The following NAF1 variants were observed in gnomAD, a reference collection of about 807,000 sequenced individuals.
The protein encoded by NAF1 is nuclear assembly factor 1 ribonucleoprotein.
A neutral mutation model predicts 40.6 loss-of-function variants in NAF1; 11 were observed. The ratio of observed to expected loss-of-function variants is 0.27; its 90% CI spans 0.17 to 0.45. The LOEUF is 0.45. Ranked by LOEUF, NAF1 falls within the 20% of genes least tolerant of loss-of-function variation. The pLI, the probability that NAF1 is intolerant of heterozygous loss-of-function variation, is 1.00. For synonymous variants in NAF1, 260 were observed against 228.5 expected, an observed-to-expected ratio of 1.14 and a Z score of -1.24; for missense variants, 607 against 611.1, an observed-to-expected ratio of 0.99 and a Z score of 0.07.
At chr4:163,151,787 T>C (rs751288583) in intron 2 of NAF1, among the ~76,000 whole-genome samples, 2 of 152,062 alleles carry the variant, frequency 1.3e-5, no homozygotes, top group African/African-American at 2.4e-5. Context: ...TCAGTATTGA[T>C]TGAGATCACA....
chr4:163,120,183 G>A (rs1247686282), intron 2 of NAF1, among the ~76,000 whole-genome samples: 1 of 152,136 alleles, frequency 6.6e-6, no homozygotes, highest in East Asian at 1.9e-4. Flanking sequence ...TATGTCATGG[G>A]AGCACACAAT....
chr4:163,129,299 A>C lies in NAF1; in HGVS notation c.1083T>G (p.Ala361=), dbSNP rs1199543378. 4 of 1,613,626 alleles carry C rather than the reference A, an allele frequency of 2.5e-6. No homozygotes were observed. Among genetic ancestry groups the C allele is most frequent in the Non-Finnish European group, 3.4e-6 (4 of 1,179,512 alleles). ...VHQNWNAHSS[A]SEHAKGYRNR... ...TACGATATCCTTTTGCATGCTCTGAAGCAGAGCTATGAGCATTCCAATTCT... is the reference window on the plus strand; with the variant it reads ...TACGATATCCTTTTGCATGCTCTGACGCAGAGCTATGAGCATTCCAATTCT... Residue 361 remains alanine (A), a synonymous_variant, in exon 8 of 8, where the codon GCT becomes GCG. Transcript: ENST00000274054.
At chr4:163,139,887 A>T (rs1403177162) in intron 5 of NAF1, among the ~76,000 whole-genome samples, 2 of 152,138 alleles carry the variant, frequency 1.3e-5, no homozygotes, top group Non-Finnish European at 2.9e-5. Context: ...ACTGAAAAAA[A>T]AGTTATTAAG....
At chr4:163,162,883 G>A (rs145716117) in intron 2 of NAF1, among the ~76,000 whole-genome samples, 1 of 152,122 alleles carries the variant, frequency 6.6e-6, no homozygotes, top group Non-Finnish European at 1.5e-5. Context: ...ACTCCTTGTG[G>A]CCACAAATCC....
chr4:163,151,974 T>C (rs936447699), intron 2 of NAF1, among the ~76,000 whole-genome samples: 2 of 152,184 alleles, frequency 1.3e-5, no homozygotes, highest in African/African-American at 4.8e-5. Context: ...AAATTTACTT[T>C]TAGTAATTTT....
chr4:163,140,028 A>G (rs972043147), intron 5 of NAF1, among the ~76,000 whole-genome samples, 195 bp downstream of exon 5: 1 of 152,078 alleles, frequency 6.6e-6, no homozygotes, highest in Non-Finnish European at 1.5e-5. Flanking sequence ...TGATCATCTC[A>G]TTTTTTACAA....
intron 2 of NAF1, among the ~76,000 whole-genome samples, chr4:163,111,090 T>C (rs1003156417): frequency 8.5e-5 from 13 of 152,214 alleles, no homozygotes; most frequent in African/African-American, 2.9e-4. Flanking sequence ...TTTCTGGACA[T>C]AACTTCAACT....
intron 2 of NAF1, among the ~76,000 whole-genome samples, chr4:163,110,484 C>T (rs549495057): frequency 4.6e-5 from 7 of 152,022 alleles, no homozygotes; most frequent in South Asian, 4.1e-4. Flanking sequence ...ATATAGGGTT[C>T]GCTACTATTT....
chr4:163,127,729 CAA>C (rs1263066552), downstream of NAF1, among the ~76,000 whole-genome samples: 1 of 152,184 alleles, frequency 6.6e-6, no homozygotes, highest in Admixed American at 6.5e-5. Context: ...AGGAATGCTG[CAA>C]AGAGTCCCCT....
intron 2 of NAF1, among the ~76,000 whole-genome samples, chr4:163,163,657 G>GT (rs1189393495): frequency 6.8e-6 from 1 of 147,250 alleles, no homozygotes; most frequent in Non-Finnish European, 1.5e-5. Flanking sequence ...AACCTATCGA[G>GT]TGCCAATAAA....
At chr4:163,142,172 G>A (rs1165530956) in intron 4 of NAF1, among the ~76,000 whole-genome samples, 1 of 152,194 alleles carries the variant, frequency 6.6e-6, no homozygotes, top group East Asian at 1.9e-4. Flanking sequence ...GGTGCACTCA[G>A]CACCACTCTT....
chr4:163,143,526 C>T (rs1319554511), intron 4 of NAF1, among the ~76,000 whole-genome samples: 6 of 152,188 alleles, frequency 3.9e-5, no homozygotes, highest in African/African-American at 9.7e-5. Flanking sequence ...ACTCTCCTCC[C>T]CCTCTCCACA....
chr4:163,146,489 A>G, intron 3 of NAF1, among the ~76,000 whole-genome samples: 1 of 152,210 alleles, frequency 6.6e-6, no homozygotes, highest in Non-Finnish European at 1.5e-5. Context: ...GAGAAAACAC[A>G]CGCACACACA....
chr4:163,144,612 C>A (rs1214567446), intron 4 of NAF1, among the ~76,000 whole-genome samples: 1 of 152,122 alleles, frequency 6.6e-6, no homozygotes, highest in Non-Finnish European at 1.5e-5. Flanking sequence ...GATTTATAAT[C>A]AAGTATTTTT....
At chr4:163,165,592 G>A (rs768994857) in intron 1 of NAF1, among the ~76,000 whole-genome samples, 2 of 151,890 alleles carry the variant, frequency 1.3e-5, no homozygotes, top group Non-Finnish European at 2.9e-5. Flanking sequence ...TCCACTCTCC[G>A]CTGATGACTT....
Position 163,133,178 on chromosome 4 carries a change from GTTT to G in NAF1, c.1006_1008del (p.Lys336del). The G allele has an allele frequency of 6.2e-7, 1 of 1,613,776 alleles. No homozygotes were observed. Among genetic ancestry groups the G allele is most frequent in the African/African-American group, 1.3e-5 (1 of 75,024 alleles). ...CCAGGCTCATTAAATTCAGATTTGA[GTTT>G]TTTCCGGCCTTGAATCTGAGATTTT... On this transcript the variant is annotated inframe_deletion, in exon 7 of 8. Coordinates refer to ENST00000274054, the MANE Select transcript of NAF1 (RefSeq NM_138386.3).
At chr4:163,124,166 G>A (rs914016550), downstream of NAF1, among the ~76,000 whole-genome samples, 22 of 152,232 alleles carry the variant, frequency 1.4e-4, no homozygotes, top group Admixed American at 1.0e-3. Flanking sequence ...GGGCAGCTAA[G>A]ACAACATAGC....
the NAF1 span, among the ~76,000 whole-genome samples, chr4:163,104,001 G>C: frequency 4.5e-3 from 681 of 151,938 alleles, 1 homozygote; most frequent in African/African-American, 0.012. Context: ...AGAGAAGGGA[G>C]ATAGGGGTGG....
rs1335749378 is a variant in NAF1, at chr4:163,166,605, C to T, written c.123G>A (p.Gln41=). ...ACCCCTCAAACGACTGTAGCGGCGG[C>T]TGTGTCCCTGGCACAGGGGCAGAGC... is the stretch of plus-strand genomic sequence containing the variant. The part of the protein sequence containing the change: ...SPGSAPVPGT[Q]PPLQSFEGSP... The change falls in exon 1 of 8, where the codon CAG becomes CAA. Residue 41 remains glutamine, a synonymous_variant. Coordinates refer to ENST00000274054, the MANE Select transcript of NAF1 (RefSeq NM_138386.3). The T allele has an allele frequency of 1.2e-6, 2 of 1,610,422 alleles. No homozygotes were observed. The highest frequency in any genetic ancestry group is 1.3e-5 in the African/African-American group (1 of 74,930).
Sources: gnomAD v4.1 joint callset for allele counts (sites outside exome capture counted in the v4.1 genomes callset) on GRCh38, gnomAD v4.1.1 for gene constraint, MANE v1.5 for transcripts, NCBI Gene and HGNC (gene_info 2026-07-23, HGNC 2026-07-21) for gene names.